Variants in GLI2 observed in about 807,000 individuals in gnomAD.
The protein encoded by GLI2 is transcription activator GLI2.
Under a neutral mutation model 78.9 loss-of-function variants are expected in GLI2, and 22 were observed. The ratio of observed to expected loss-of-function variants is 0.28; its 90% confidence interval spans 0.20 to 0.40. The LOEUF is 0.40. Ranked by LOEUF, GLI2 falls within the 10% of genes least tolerant of loss-of-function variation. The pLI, the probability that GLI2 is intolerant of heterozygous loss-of-function variation, is 1.00. For synonymous variants in GLI2, 974 were observed against 963.7 expected (o/e 1.01, Z -0.20); for missense variants, 2,097 against 2,213.2 (o/e 0.95, Z 1.05).
chr2:120,767,111 ACCGACCTCT>A, intron 1 of GLI2, among the ~76,000 whole-genome samples: 1 of 152,334 alleles, frequency 6.6e-6, no homozygotes, highest in South Asian at 2.1e-4. Context: ...GCAGGCTCTA[ACCGACCTCT>A]ACGTAACTTG....
rs1267442328 is a variant in GLI2 at position 120,855,154 on chromosome 2, A to G, written c.148+57686A>G. Among the ~76,000 whole-genome samples, 3 of 152,210 alleles carry G rather than the reference A, an allele frequency of 2.0e-5. No individual in the cohort carries two copies. The East Asian group carries it at 5.8e-4, about 29-fold the overall frequency. ...ACCAGACATGCAAACTCACAGAAATAAACAATTTGCCGATGATCAGGGAAG... is the reference window on the plus strand; with the variant it reads ...ACCAGACATGCAAACTCACAGAAATGAACAATTTGCCGATGATCAGGGAAG... On this transcript the variant is annotated intron_variant, in intron 2 of 13. Transcript: ENST00000361492.
chr2:120,959,597 G>GT (rs1681443272), intron 5 of GLI2, among the ~76,000 whole-genome samples: 1 of 152,192 alleles, frequency 6.6e-6, no homozygotes, highest in Non-Finnish European at 1.5e-5. Context: ...GGTTACTCAC[G>GT]TATGTCTCTA....
intron 3 of GLI2, among the ~76,000 whole-genome samples, chr2:120,943,037 G>C (rs574974917): frequency 6.6e-6 from 1 of 152,290 alleles, no homozygotes; most frequent in East Asian, 1.9e-4. Flanking sequence ...TATGTCCCTG[G>C]CATGTGCGGA....
chr2:120,823,245 G>T (rs754935978), intron 2 of GLI2, among the ~76,000 whole-genome samples: 2 of 152,142 alleles, frequency 1.3e-5, no homozygotes, highest in Admixed American at 6.5e-5. Context: ...AATTTCTGCC[G>T]TGGGAAGCTG....
At chr2:120,791,948 T>C (rs1684171990) in intron 1 of GLI2, among the ~76,000 whole-genome samples, 1 of 152,184 alleles carries the variant, frequency 6.6e-6, no homozygotes, top group African/African-American at 2.4e-5. Context: ...TGTGCATCCA[T>C]GTGTGCCTAT....
intron 2 of GLI2, among the ~76,000 whole-genome samples, chr2:120,861,322 G>A (rs1687890744): frequency 6.6e-6 from 1 of 152,178 alleles, no homozygotes; most frequent in African/African-American, 2.4e-5. Flanking sequence ...GAAATAGCAG[G>A]TGTGCCCCAT....
chr2:120,975,247 C>T lies in GLI2; in HGVS notation c.1317+138C>T, dbSNP rs898846944. The T allele has an allele frequency of 2.2e-5, 16 of 736,586 alleles. No homozygotes were observed. In the African/African-American group the frequency reaches 2.8e-4, roughly 13 times the overall value. 45.6% of individuals were successfully genotyped at this position (736,586 alleles called of 1,614,324 possible). A position where few individuals can be genotyped will look rare whatever the true frequency, so the allele number is the denominator to read the frequency against. On this transcript the variant is annotated intron_variant, in intron 9 of 13. Transcript: ENST00000361492. ...AGAGATGCCTGGGCCACATCCCCTG[C>T]AAGTGGGAGGCATAATTACTTATGT...
chr2:120,891,687 G>C (rs1677689021), intron 2 of GLI2, among the ~76,000 whole-genome samples: 1 of 152,148 alleles, frequency 6.6e-6, no homozygotes, highest in Non-Finnish European at 1.5e-5. Context: ...TGGGGAGCCG[G>C]CTATGCTCCT....
In GLI2 at chr2:120,982,704, G is replaced by T; in HGVS notation, c.1468-12G>T. On this transcript the variant is annotated splice_polypyrimidine_tract_variant and intron_variant, in intron 10 of 13. Coordinates refer to ENST00000361492, the MANE Select transcript of GLI2 (RefSeq NM_001374353.1). ...CTGGGGTGCCTTGACTGACTGAACC[G>T]CCTCCTTCTAGTTCGAGGGCTGCTC... The T allele has an allele frequency of 3.1e-6, 5 of 1,606,754 alleles. No individual in the cohort carries two copies. The highest frequency in any genetic ancestry group is 1.1e-5 in the South Asian group (1 of 90,254).
chr2:120,751,834 A>G (rs1682882730), intron 1 of GLI2, among the ~76,000 whole-genome samples: 1 of 152,218 alleles, frequency 6.6e-6, no homozygotes, highest in African/African-American at 2.4e-5. Context: ...CTTTGAATAC[A>G]TTTCCAGAGG....
At chr2:120,905,874 C>G (rs1219299223) in intron 2 of GLI2, among the ~76,000 whole-genome samples, 1 of 151,828 alleles carries the variant, frequency 6.6e-6, no homozygotes, top group Admixed American at 6.6e-5. Context: ...ACTGCCCCCC[C>G]CCCGCCCCCA....
chr2:120,906,522 C>T (rs1678541444), intron 2 of GLI2, among the ~76,000 whole-genome samples: 1 of 152,114 alleles, frequency 6.6e-6, no homozygotes, highest in African/African-American at 2.4e-5. Context: ...GCTCTAGCTC[C>T]AGCGCACTCC....
chr2:120,862,355 TG>T (rs1687939701), intron 2 of GLI2, among the ~76,000 whole-genome samples: 1 of 152,218 alleles, frequency 6.6e-6, no homozygotes, highest in Non-Finnish European at 1.5e-5. Flanking sequence ...GCCAGGCTCC[TG>T]CTGTGTGCCA....
chr2:120,951,507 T>G, intron 4 of GLI2, 62 bp downstream of exon 4: 1 of 1,074,652 alleles, frequency 9.3e-7, no homozygotes, highest in East Asian at 2.4e-5. Flanking sequence ...GCAGCCAGCC[T>G]CTCTCACGCT....
At chr2:120,820,468 G>A (rs558615184) in intron 2 of GLI2, among the ~76,000 whole-genome samples, 20 of 151,812 alleles carry the variant, frequency 1.3e-4, no homozygotes, top group Admixed American at 1.0e-3. Context: ...TGATGCTGGC[G>A]GCAAAGAAGC....
chr2:120,932,047 C>G (rs1315346923), intron 3 of GLI2, among the ~76,000 whole-genome samples: 2 of 152,194 alleles, frequency 1.3e-5, no homozygotes, highest in East Asian at 3.9e-4. Flanking sequence ...TCTTCCGCCC[C>G]CAGTGTCCCA....
Position 120,988,967 on chromosome 2 carries a change from G to C in GLI2, c.3002G>C (p.Gly1001Ala). The C allele has an allele frequency of 6.4e-7, 1 of 1,551,992 alleles. No individual in the cohort carries two copies. Among genetic ancestry groups the C allele is most frequent in the Non-Finnish European group, 8.7e-7 (1 of 1,154,874 alleles). The change falls in exon 14 of 14, where the codon GGC (glycine) becomes GCC (alanine). Residue 1001 changes from glycine (G) to alanine (A), a missense_variant. Physicochemically the swap from Gly to Ala is moderately conservative, Grantham distance 60 (BLOSUM62 0). Transcript: ENST00000361492. ...RLQSHPSTDG[G>A]LARGAYSPRP... Reference sequence around the variant, plus strand: ...CAGAGCCACCCGAGCACCGACGGCGGCCTGGCCCGCGGCGCCTACTCGCCC... The same window carrying C: ...CAGAGCCACCCGAGCACCGACGGCGCCCTGGCCCGCGGCGCCTACTCGCCC...
chr2:120,833,679 G>C (rs1300749697), intron 2 of GLI2, among the ~76,000 whole-genome samples: 1 of 152,120 alleles, frequency 6.6e-6, no homozygotes, highest in East Asian at 1.9e-4. Flanking sequence ...CCACCACCGA[G>C]GTCAGCTCCT....
At position 120,882,433 on chromosome 2, in the gene GLI2, G is replaced by A. The variant is rs11892592; in HGVS notation, c.149-44928G>A. Among the ~76,000 whole-genome samples, 1,152 of 152,338 alleles carry A rather than the reference G, an allele frequency of 7.6e-3. 20 individuals carry two copies. Among genetic ancestry groups the A allele is most frequent in the African/African-American group, 0.026 (1,100 of 41,582 alleles). ...ACTCCTCACTTCATGGCCTCAGTTC[G>A]CTCGCCTGTGAAATGTAGGTGTGTG... On this transcript the variant is annotated intron_variant, in intron 2 of 13. Transcript: ENST00000361492.
Sources: gnomAD v4.1 joint callset for allele counts (sites outside exome capture counted in the v4.1 genomes callset) on GRCh38, gnomAD v4.1.1 for gene constraint, MANE v1.5 for transcripts, NCBI Gene and HGNC (gene_info 2026-07-23, HGNC 2026-07-21) for gene names.